Variants in ZMAT4 observed in about 807,000 individuals in gnomAD.
ZMAT4 encodes zinc finger matrin-type 4, also known as zinc finger matrin-type protein 4.
Under a neutral mutation model 28.7 loss-of-function variants are expected in ZMAT4, and 17 were observed. The observed-to-expected ratio is 0.59, with a 90% CI of 0.41 to 0.89. ZMAT4 has a LOEUF of 0.89. Among genes scored for constraint, ZMAT4 ranks in the 40% least tolerant of loss-of-function variants. The probability of loss-of-function intolerance (pLI) is 0.00; values close to 1 mark genes in which losing one functional copy is unlikely to be tolerated. For synonymous variants in ZMAT4, 117 were observed against 109.2 expected, an observed-to-expected ratio of 1.07 and a Z score of -0.44; for missense variants, 240 against 283.8, an observed-to-expected ratio of 0.85 and a Z score of 1.11.
intron 5 of ZMAT4, among the ~76,000 whole-genome samples, chr8:40,641,623 C>A (rs998613526): frequency 1.3e-5 from 2 of 152,170 alleles, no homozygotes; most frequent in African/African-American, 2.4e-5. Flanking sequence ...ACCATCATCA[C>A]AATCTGTGCT....
intron 5 of ZMAT4, among the ~76,000 whole-genome samples, chr8:40,655,474 TA>T (rs1013230059): frequency 6.8e-6 from 1 of 146,176 alleles, no homozygotes; most frequent in African/African-American, 2.5e-5. Context: ...TATGAAAATT[TA>T]AAAAAACCCA....
At chr8:40,748,113 GATA>G in intron 3 of ZMAT4, among the ~76,000 whole-genome samples, 1 of 152,232 alleles carries the variant, frequency 6.6e-6, no homozygotes, top group Middle Eastern at 3.4e-3. Context: ...GTAAAACCGA[GATA>G]ATAACTTTGA....
chr8:40,784,989 G>C (rs1400024653), intron 2 of ZMAT4, among the ~76,000 whole-genome samples: 3 of 152,178 alleles, frequency 2.0e-5, no homozygotes, highest in Non-Finnish European at 4.4e-5. Context: ...TTTGAACCCA[G>C]GCTTTCTGAC....
At chr8:40,640,604 C>G (rs1329114615) in intron 5 of ZMAT4, among the ~76,000 whole-genome samples, 1 of 147,708 alleles carries the variant, frequency 6.8e-6, no homozygotes, top group African/African-American at 2.5e-5. Context: ...CTGGGAAGAT[C>G]TTGGGATAGT....
intron 5 of ZMAT4, among the ~76,000 whole-genome samples, chr8:40,624,046 A>G (rs1806290191): frequency 6.6e-6 from 1 of 152,132 alleles, no homozygotes; most frequent in East Asian, 1.9e-4. Context: ...GTATTCTGCA[A>G]TTTCCTCTGC....
rs144817590 is a variant in ZMAT4 at position 40,777,234 on chromosome 8, C to T, written c.103-9504G>A. Among the ~76,000 whole-genome samples the T allele has an allele frequency of 9.0e-3, 1,370 of 152,124 alleles. 23 individuals are homozygous for T. Among genetic ancestry groups the T allele is most frequent in the African/African-American group, 0.031 (1,283 of 41,492 alleles). ...AATACATTATAAAGTGGTTGAGAAA[C>T]AAAAATAAACAAATTTTTAAAATCC... On this transcript the variant is annotated intron_variant, in intron 2 of 6. Transcript: ENST00000297737.
chr8:40,798,657 T>C (rs1247784164), intron 2 of ZMAT4, among the ~76,000 whole-genome samples: 2 of 152,204 alleles, frequency 1.3e-5, no homozygotes, highest in Non-Finnish European at 2.9e-5. Flanking sequence ...GAAAACTTCA[T>C]TGACAAAGTG....
intron 3 of ZMAT4, among the ~76,000 whole-genome samples, chr8:40,714,731 G>A (rs183978586): frequency 6.6e-6 from 1 of 152,190 alleles, no homozygotes; most frequent in Non-Finnish European, 1.5e-5. Flanking sequence ...AAGGAGGAAA[G>A]AAATGAAATA....
chr8:40,766,452 A>T, intron 3 of ZMAT4, among the ~76,000 whole-genome samples: 1 of 152,166 alleles, frequency 6.6e-6, no homozygotes, highest in East Asian at 1.9e-4. Flanking sequence ...GACTGAGAAA[A>T]CTGGGCCTTC....
intron 6 of ZMAT4, among the ~76,000 whole-genome samples, chr8:40,545,204 C>T (rs111412091): frequency 6.6e-6 from 1 of 152,094 alleles, no homozygotes; most frequent in South Asian, 2.1e-4. Flanking sequence ...CAGACTCCCC[C>T]CTAGTTGAGC....
intron 6 of ZMAT4, among the ~76,000 whole-genome samples, chr8:40,562,740 C>T (rs930166453): frequency 1.3e-5 from 2 of 152,078 alleles, no homozygotes; most frequent in Non-Finnish European, 2.9e-5. Flanking sequence ...TCTGTCAATC[C>T]TCTTTCTACT....
At chr8:40,589,731 C>CCTTTCTTTCTTTCTTTCTTTCCTTCTTT (rs1804796324) in intron 5 of ZMAT4, among the ~76,000 whole-genome samples, 1 of 139,274 alleles carries the variant, frequency 7.2e-6, no homozygotes, top group African/African-American at 2.7e-5. Context: ...TTCTTCCTTT[C>CCTTTCTTTCTTTCTTTCTTTCCTTCTTT]CTTTCTTTCT....
At chr8:40,863,346 A>G (rs914975099) in intron 1 of ZMAT4, among the ~76,000 whole-genome samples, 3 of 152,220 alleles carry the variant, frequency 2.0e-5, no homozygotes, top group African/African-American at 7.2e-5. Context: ...GGGCTGTTCC[A>G]GAAATGGAGG....
chr8:40,556,777 G>A (rs1803553538), intron 6 of ZMAT4, among the ~76,000 whole-genome samples: 2 of 152,080 alleles, frequency 1.3e-5, no homozygotes, highest in African/African-American at 4.8e-5. Context: ...GTAATGATCA[G>A]GTCAGAGTAC....
At chr8:40,575,933 A>G (rs1804248676) in intron 6 of ZMAT4, among the ~76,000 whole-genome samples, 1 of 152,180 alleles carries the variant, frequency 6.6e-6, no homozygotes, top group African/African-American at 2.4e-5. Context: ...ATTCATTATC[A>G]GAATGAGAAA....
intron 3 of ZMAT4, among the ~76,000 whole-genome samples, chr8:40,716,927 T>A (rs1010786293): frequency 2.0e-5 from 3 of 152,162 alleles, no homozygotes; most frequent in Admixed American, 1.3e-4. Flanking sequence ...GACCTGCCTT[T>A]TCTCCTCCTG....
rs561048128 is a variant in ZMAT4 at position 40,818,577 on chromosome 8, T to C, written c.102+6998A>G. ...AAAATACTGAAACAGTGATTCTCAA[T>C]GTGTAGTGCAAAGAAGGCATCCTCC... On this transcript the variant is annotated intron_variant, in intron 2 of 6. Coordinates refer to ENST00000297737, the MANE Select transcript of ZMAT4 (RefSeq NM_024645.3). Among the ~76,000 whole-genome samples the C allele has an allele frequency of 1.3e-4, 20 of 152,340 alleles. No homozygotes were observed. The South Asian group carries it at 3.9e-3, about 30-fold the overall frequency.
intron 5 of ZMAT4, among the ~76,000 whole-genome samples, chr8:40,649,201 A>G (rs532908575): frequency 3.2e-4 from 48 of 152,316 alleles, no homozygotes; most frequent in African/African-American, 1.1e-3. Context: ...AGAGACACAC[A>G]TAGACTCAAA....
intron 5 of ZMAT4, among the ~76,000 whole-genome samples, chr8:40,668,859 A>G (rs1405153970): frequency 1.3e-5 from 2 of 149,120 alleles, no homozygotes; most frequent in Non-Finnish European, 3.0e-5. Context: ...CCTTGCCAGT[A>G]AGGAACTGCC....
Sources: allele counts gnomAD v4.1 joint callset (sites outside exome capture counted in the v4.1 genomes callset), GRCh38; gene constraint gnomAD v4.1.1; transcripts MANE v1.5; gene names NCBI Gene and HGNC (gene_info 2026-07-23, HGNC 2026-07-21).